The following DLGAP1 variants were observed in gnomAD, a reference collection of about 807,000 sequenced individuals.
DLGAP1 encodes disks large-associated protein 1.
DLGAP1 carries 11 observed loss-of-function variants against 90.8 expected under a neutral mutation model. That is an observed-to-expected ratio of 0.12 (90% CI 0.08 to 0.20). The LOEUF (loss-of-function observed/expected upper bound fraction) is 0.20. DLGAP1 is among the 10% of genes least tolerant of loss of function. DLGAP1 has a pLI of 1.00. For missense variants in DLGAP1, 1,050 were observed against 1,333.8 expected (o/e 0.79, Z 3.31); for synonymous variants, 558 against 540.7 (o/e 1.03, Z -0.44).
chr18:3,973,423 C>G (rs1357648463), intron 3 of DLGAP1, among the ~76,000 whole-genome samples: 2 of 152,106 alleles, frequency 1.3e-5, no homozygotes, highest in Non-Finnish European at 2.9e-5. Context: ...TTTGTATGAG[C>G]TCCGTCACCT....
intron 1 of DLGAP1, among the ~76,000 whole-genome samples, chr18:4,306,454 TGTGTGTGTGA>T (rs35607211): frequency 0.2 from 22,620 of 110,806 alleles, 1,917 homozygotes; most frequent in African/African-American, 0.35. Context: ...TGTGTGTGTG[TGTGTGTGTGA>T]GAGAGAGAGA....
chr18:4,440,378 G>T (rs56346385), intron 1 of DLGAP1, among the ~76,000 whole-genome samples: 52,625 of 151,884 alleles, frequency 0.35, 9,226 homozygotes, highest in East Asian at 0.46. Context: ...ATTTTTACAT[G>T]TCCAATATAA....
chr18:4,369,081 G>A (rs575432515), intron 1 of DLGAP1, among the ~76,000 whole-genome samples: 1 of 152,280 alleles, frequency 6.6e-6, no homozygotes, highest in South Asian at 2.1e-4. Context: ...GTTCAGATAA[G>A]CAAAGATGGA....
intron 2 of DLGAP1, among the ~76,000 whole-genome samples, chr18:4,144,765 T>C (rs1389845492): frequency 6.6e-6 from 1 of 152,176 alleles, no homozygotes; most frequent in Non-Finnish European, 1.5e-5. Flanking sequence ...AGCCTTTAAA[T>C]AAATAAGACA....
chr18:4,270,927 A>G (rs1806272912), intron 1 of DLGAP1, among the ~76,000 whole-genome samples: 1 of 152,176 alleles, frequency 6.6e-6, no homozygotes, highest in African/African-American at 2.4e-5. Flanking sequence ...TGATCCTATC[A>G]CTAGAACATT....
chr18:3,585,636 T>C (rs2055833543), intron 7 of DLGAP1, among the ~76,000 whole-genome samples: 1 of 152,200 alleles, frequency 6.6e-6, no homozygotes, highest in Non-Finnish European at 1.5e-5. Flanking sequence ...CTTCTTTTAG[T>C]GTGGATAATC....
At chr18:3,857,276 T>C (rs1043700036) in intron 4 of DLGAP1, among the ~76,000 whole-genome samples, 1 of 152,218 alleles carries the variant, frequency 6.6e-6, no homozygotes, top group African/African-American at 2.4e-5. Flanking sequence ...TAGCCTTTCA[T>C]TGAAAATGAC....
At chr18:3,591,595 T>TGGAAGGCTGGGGCGGGAGGATTGC (rs1379117021) in intron 7 of DLGAP1, among the ~76,000 whole-genome samples, 2 of 151,418 alleles carry the variant, frequency 1.3e-5, no homozygotes, top group Non-Finnish European at 3.0e-5. Context: ...CCCAGCTACT[T>TGGAAGGCTGGGGCGGGAGGATTGC]GGAAGGCTGG....
At chr18:3,946,390 T>G (rs564505743) in intron 3 of DLGAP1, among the ~76,000 whole-genome samples, 3 of 152,312 alleles carry the variant, frequency 2.0e-5, no homozygotes, top group African/African-American at 7.2e-5. Flanking sequence ...GCTCAACTAA[T>G]GTGTCAATGG....
At chr18:3,597,561 G>C (rs1032218743) in intron 7 of DLGAP1, 2 of 276,710 alleles carry the variant, frequency 7.2e-6, no homozygotes, top group African/African-American at 4.7e-5. Flanking sequence ...CTTCAGCGTG[G>C]ATTCATCAGT....
At chr18:4,258,598 A>C (rs1476607972) in intron 1 of DLGAP1, among the ~76,000 whole-genome samples, 1 of 152,182 alleles carries the variant, frequency 6.6e-6, no homozygotes, top group Non-Finnish European at 1.5e-5. Flanking sequence ...CAAAGTGGGA[A>C]AAGTGAAAAA....
intron 3 of DLGAP1, among the ~76,000 whole-genome samples, chr18:3,907,255 A>G (rs370428933): frequency 6.6e-6 from 1 of 152,210 alleles, no homozygotes; most frequent in East Asian, 1.9e-4. Context: ...ATTCTACTCT[A>G]TTTGATCTTT....
chr18:4,227,014 A>G (rs1241124704), intron 1 of DLGAP1, among the ~76,000 whole-genome samples: 2 of 152,032 alleles, frequency 1.3e-5, no homozygotes, highest in Non-Finnish European at 2.9e-5. Context: ...AGGGATGGAA[A>G]AAGATAATCC....
intron 1 of DLGAP1, among the ~76,000 whole-genome samples, chr18:4,167,470 T>C (rs538222324): frequency 6.6e-6 from 1 of 152,310 alleles, no homozygotes; most frequent in Non-Finnish European, 1.5e-5. Flanking sequence ...ATCTTAAATA[T>C]GTATGTACCA....
chr18:4,308,590 C>A (rs999310478), intron 1 of DLGAP1, among the ~76,000 whole-genome samples: 1 of 152,110 alleles, frequency 6.6e-6, no homozygotes, highest in Non-Finnish European at 1.5e-5. Flanking sequence ...ATCATAAAAC[C>A]TTTCCATCAG....
At chr18:4,038,096 C>T (rs900933695) in intron 2 of DLGAP1, among the ~76,000 whole-genome samples, 2 of 152,192 alleles carry the variant, frequency 1.3e-5, no homozygotes, top group Non-Finnish European at 2.9e-5. Flanking sequence ...TCATGCAATA[C>T]AGGCATGATT....
intron 9 of DLGAP1, among the ~76,000 whole-genome samples, chr18:3,562,396 C>T (rs2054180113): frequency 6.6e-6 from 1 of 152,022 alleles, no homozygotes; most frequent in Admixed American, 6.6e-5. Context: ...ACAATTCCCA[C>T]CCGTTGTGGG....
At chr18:4,294,551 A>C (rs2079928888) in intron 1 of DLGAP1, 1 of 152,342 alleles carries the variant, frequency 6.6e-6, no homozygotes, top group African/African-American at 2.4e-5. Context: ...CCAGAGCGAG[A>C]GCTTTTGGGG....
At chr18:3,588,923 C>G (rs1208791102) in intron 7 of DLGAP1, among the ~76,000 whole-genome samples, 2 of 152,194 alleles carry the variant, frequency 1.3e-5, no homozygotes, top group African/African-American at 4.8e-5. Context: ...TGGCTTATGC[C>G]TGTAATCCTG....
Sources: allele counts gnomAD v4.1 joint callset (sites outside exome capture counted in the v4.1 genomes callset), GRCh38; gene constraint gnomAD v4.1.1; transcripts MANE v1.5; gene names NCBI Gene and HGNC (gene_info 2026-07-23, HGNC 2026-07-21).